Variants in IQCM observed in about 807,000 individuals in gnomAD.
The protein encoded by IQCM is IQ domain-containing protein M.
In IQCM, 45 loss-of-function variants were observed where a neutral mutation model predicts 57.6. The observed-to-expected ratio is 0.78, with a 90% confidence interval of 0.62 to 1.00. IQCM has a LOEUF of 1.00. IQCM is among the 50% of genes least tolerant of loss of function. The probability of loss-of-function intolerance (pLI) is 0.00; values close to 1 mark genes in which losing one functional copy is unlikely to be tolerated. For synonymous variants in IQCM, 148 were observed against 158.9 expected, an observed-to-expected ratio of 0.93 and a Z score of 0.51; for missense variants, 468 against 511.6, an observed-to-expected ratio of 0.91 and a Z score of 0.82.
intron 12 of IQCM, among the ~76,000 whole-genome samples, chr4:149,468,767 G>A (rs539881763): frequency 6.6e-6 from 1 of 152,276 alleles, no homozygotes; most frequent in East Asian, 1.9e-4. Flanking sequence ...GTGCCCCTCT[G>A]AGACAAAGCT....
chr4:149,812,470 T>G (rs756145883), intron 2 of IQCM, among the ~76,000 whole-genome samples: 5 of 138,158 alleles, frequency 3.6e-5, no homozygotes, highest in Non-Finnish European at 7.5e-5. Flanking sequence ...TCTCTCTCTC[T>G]CTCTCTCTCT....
rs117097149 is a variant in IQCM, at chr4:149,564,290, G to A, written c.750-400C>T. 3.7e-4 allele frequency among the ~76,000 whole-genome samples: 56 copies of A among 152,246 alleles called. No individual in the cohort carries two copies. In the East Asian group the frequency reaches 5.2e-3, roughly 14 times the overall value. ...GGCACTGATATGCTGTTAACCAAAC[G>A]TCATCAGAAAAGTAACTTTGATTCA... is the stretch of plus-strand genomic sequence containing the variant. On this transcript the variant is annotated intron_variant, in intron 9 of 13. Transcript: ENST00000636793.
intron 5 of IQCM, among the ~76,000 whole-genome samples, chr4:149,721,421 T>A (rs940610214): frequency 6.6e-6 from 1 of 152,046 alleles, no homozygotes; most frequent in Non-Finnish European, 1.5e-5. Context: ...CCATAGGTAG[T>A]TTTTCATTCT....
intron 13 of IQCM, among the ~76,000 whole-genome samples, chr4:149,362,345 G>T (rs1042764097): frequency 2.0e-5 from 3 of 152,038 alleles, no homozygotes; most frequent in Non-Finnish European, 4.4e-5. Context: ...GAGGACATGA[G>T]ATTTGGAGGG....
intron 2 of IQCM, among the ~76,000 whole-genome samples, chr4:149,798,737 A>T (rs1157071773): frequency 1.3e-5 from 2 of 152,034 alleles, no homozygotes; most frequent in African/African-American, 2.4e-5. Flanking sequence ...CAAAACCATA[A>T]GAGACAAAAA....
intron 11 of IQCM, among the ~76,000 whole-genome samples, chr4:149,549,067 T>C (rs957201153): frequency 6.6e-6 from 1 of 152,294 alleles, no homozygotes; most frequent in Admixed American, 6.5e-5. Context: ...TTGGGAGCAA[T>C]GTCTACTTTT....
chr4:149,784,119 C>G (rs1298821622), intron 2 of IQCM, among the ~76,000 whole-genome samples: 1 of 152,186 alleles, frequency 6.6e-6, no homozygotes, highest in African/African-American at 2.4e-5. Flanking sequence ...TAATGTATTA[C>G]ACAGCAATAG....
In IQCM at chr4:149,621,149, T is replaced by TTGA; in HGVS notation, c.658_660dup (p.Ser220dup). On this transcript the variant is annotated inframe_insertion, in exon 8 of 14. Transcript: ENST00000636793. ...CTTACAGAATAATAATCCCGAAATA[T>TTGA]TGATGATGATTGAGAGAAACTAACT... The TTGA allele has an allele frequency of 8.1e-7, 1 of 1,228,144 alleles. No homozygotes were observed. The highest frequency in any genetic ancestry group is 1.0e-6 in the Non-Finnish European group (1 of 984,360). 76.1% of individuals were successfully genotyped at this position (1,228,144 alleles called of 1,614,324 possible).
At chr4:149,716,664 A>T (rs576963592) in intron 5 of IQCM, among the ~76,000 whole-genome samples, 1 of 152,270 alleles carries the variant, frequency 6.6e-6, no homozygotes, top group Non-Finnish European at 1.5e-5. Flanking sequence ...TGCTGCTGCC[A>T]TTGCTATTGT....
At chr4:149,558,008 T>C (rs567428802) in intron 10 of IQCM, among the ~76,000 whole-genome samples, 2 of 152,334 alleles carry the variant, frequency 1.3e-5, no homozygotes, top group South Asian at 2.1e-4. Flanking sequence ...TCTAGCAGCA[T>C]TGGAGACTAT....
At chr4:149,798,106 C>A (rs75532948) in intron 2 of IQCM, among the ~76,000 whole-genome samples, 141 of 151,874 alleles carry the variant, frequency 9.3e-4, no homozygotes, top group African/African-American at 3.3e-3. Context: ...TAGTAATGAA[C>A]CAATCAAAAA....
At position 149,394,530 on chromosome 4, in the gene IQCM, C is replaced by T. The variant is rs118065243; in HGVS notation, c.1390+38866G>A. Among the ~76,000 whole-genome samples the T allele has an allele frequency of 2.3e-3, 350 of 152,094 alleles. 12 individuals are homozygous for T. In the East Asian group the frequency reaches 0.051, roughly 22 times the overall value. On this transcript the variant is annotated intron_variant, in intron 13 of 13. Coordinates refer to ENST00000636793, the MANE Select transcript of IQCM (RefSeq NM_001363507.2). The stretch of plus-strand genomic sequence containing the variant: ...ATGTACCTCCTTAGGTTTGCGCAGT[C>T]ACACCTGCCTATGGAGAGAGTCCTG...
intron 12 of IQCM, among the ~76,000 whole-genome samples, chr4:149,435,543 T>G (rs1464677477): frequency 6.6e-6 from 1 of 151,850 alleles, no homozygotes; most frequent in Non-Finnish European, 1.5e-5. Flanking sequence ...ATTTTTAACT[T>G]TATGTTACAG....
chr4:149,760,582 A>T (rs1439318558), intron 2 of IQCM, among the ~76,000 whole-genome samples: 1 of 152,122 alleles, frequency 6.6e-6, no homozygotes, highest in African/African-American at 2.4e-5. Context: ...ATGTGCTGGA[A>T]AATGCCTTTT....
At chr4:149,596,292 A>C (rs1753765746) in intron 8 of IQCM, among the ~76,000 whole-genome samples, 1 of 152,214 alleles carries the variant, frequency 6.6e-6, no homozygotes, top group South Asian at 2.1e-4. Flanking sequence ...TTCTAAAAAC[A>C]TAAAAATAAA....
chr4:149,626,003 T>C (rs1431541181), intron 7 of IQCM, among the ~76,000 whole-genome samples: 1 of 152,040 alleles, frequency 6.6e-6, no homozygotes, highest in Admixed American at 6.6e-5. Context: ...TTTTGTGCTG[T>C]GATGGTTAAT....
chr4:149,363,725 G>C (rs1368791397), intron 13 of IQCM, among the ~76,000 whole-genome samples: 2 of 152,054 alleles, frequency 1.3e-5, no homozygotes, highest in Non-Finnish European at 2.9e-5. Flanking sequence ...TTGTATTTCT[G>C]AGTTTTTAAA....
intron 5 of IQCM, among the ~76,000 whole-genome samples, chr4:149,718,909 A>G (rs1406675759): frequency 6.6e-6 from 1 of 152,244 alleles, no homozygotes. Context: ...AAATTCTTAT[A>G]TTAATCACAT....
At chr4:149,639,579 AGGTTAAAAGCTCCT>A (rs1758012833) in intron 7 of IQCM, among the ~76,000 whole-genome samples, 1 of 152,104 alleles carries the variant, frequency 6.6e-6, no homozygotes, top group Admixed American at 6.6e-5. Flanking sequence ...TATTCCTGAA[AGGTTAAAAGCTCCT>A]ACCAAGTATT....
Sources: allele counts gnomAD v4.1 joint callset (sites outside exome capture counted in the v4.1 genomes callset), GRCh38; gene constraint gnomAD v4.1.1; transcripts MANE v1.5; gene names NCBI Gene and HGNC (gene_info 2026-07-23, HGNC 2026-07-21).